Variants in GALNT12 observed in about 807,000 individuals in gnomAD.
The protein encoded by GALNT12 is polypeptide N-acetylgalactosaminyltransferase 12.
A neutral mutation model predicts 55.5 loss-of-function variants in GALNT12; 45 were observed. That is an observed-to-expected ratio of 0.81 (90% CI 0.64 to 1.04). The LOEUF is 1.04. GALNT12 is among the 50% of genes least tolerant of loss of function. The pLI, the probability that GALNT12 is intolerant of heterozygous loss-of-function variation, is 0.00. For missense variants in GALNT12, 709 were observed against 754.8 expected (o/e 0.94, Z 0.71); for synonymous variants, 304 against 312.2 (o/e 0.97, Z 0.28).
chr9:98,829,518 T>TA (rs200602610), intron 3 of GALNT12, among the ~76,000 whole-genome samples: 3 of 133,404 alleles, frequency 2.2e-5, no homozygotes, highest in East Asian at 3.9e-4. Context: ...ATTAAATTAT[T>TA]TTTTTTTTTT....
intron 9 of GALNT12, among the ~76,000 whole-genome samples, chr9:98,846,585 C>A (rs1363374712): frequency 6.6e-6 from 1 of 152,076 alleles, no homozygotes; most frequent in Non-Finnish European, 1.5e-5. Context: ...ATAGGCCAGG[C>A]ACAGTGGCTG....
chr9:98,813,478 C>T (rs983249380), intron 1 of GALNT12, among the ~76,000 whole-genome samples: 2 of 151,650 alleles, frequency 1.3e-5, no homozygotes, highest in African/African-American at 2.4e-5. Context: ...ACTTTCCTGT[C>T]GGCTAAGCCA....
rs758330743 is a variant in GALNT12, at chr9:98,831,804, C to T, written c.764C>T (p.Pro255Leu). 29 of 1,613,986 alleles carry T rather than the reference C, an allele frequency of 1.8e-5. No individual in the cohort carries two copies. Among genetic ancestry groups the T allele is most frequent in the South Asian group, 6.6e-5 (6 of 91,078 alleles). ...GAAGAGGAGTCGGCAGTGGTGTGCC[C>T]GGTGATTGATGTGATCGACTGGAAC... ...IHEEESAVVCPVIDVIDWNTF... is the reference protein window; with the variant it reads ...IHEEESAVVCLVIDVIDWNTF... The change falls in exon 4 of 10, where the codon CCG becomes CTG. Residue 255 changes from proline (P) to leucine (L), a missense_variant. By Grantham distance (98) the Pro-to-Leu change is moderately conservative (BLOSUM62 -3). Transcript: ENST00000375011.
At chr9:98,836,437 A>G (rs1171212658) in intron 5 of GALNT12, among the ~76,000 whole-genome samples, 1 of 152,160 alleles carries the variant, frequency 6.6e-6, no homozygotes, top group Non-Finnish European at 1.5e-5. Context: ...CTTTGGGAAA[A>G]TGAGATATTC....
intron 1 of GALNT12, among the ~76,000 whole-genome samples, chr9:98,822,903 C>T (rs1454244425): frequency 6.6e-6 from 1 of 152,132 alleles, no homozygotes; most frequent in Non-Finnish European, 1.5e-5. Context: ...ACAGTCTGAG[C>T]AAAGGCCTGG....
chr9:98,833,106 G>A (rs1298528644), intron 4 of GALNT12, among the ~76,000 whole-genome samples: 1 of 152,128 alleles, frequency 6.6e-6, no homozygotes, highest in Non-Finnish European at 1.5e-5. Context: ...CAAGCTCTGA[G>A]TAGAATGGGC....
chr9:98,808,152 A>T, intron 1 of GALNT12, 83 bp downstream of exon 1: 1 of 1,153,768 alleles, frequency 8.7e-7, no homozygotes, highest in Non-Finnish European at 1.2e-6. Flanking sequence ...CAGGGCGGGG[A>T]GCTGGGGTCT....
Position 98,807,877 on chromosome 9 carries a change from G to A in GALNT12, c.179G>A (p.Arg60Gln), listed in dbSNP as rs2118256726. 1.9e-6 allele frequency: 2 copies of A among 1,048,226 alleles called. No homozygotes were observed. Among genetic ancestry groups the A allele is most frequent in the Non-Finnish European group, 2.3e-6 (2 of 872,352 alleles). 64.9% of individuals were successfully genotyped at this position (1,048,226 alleles called of 1,614,324 possible). The change falls in exon 1 of 10, where the codon CGG becomes CAG. Residue 60 changes from arginine to glutamine, a missense_variant. Physicochemically the swap from Arg to Gln is conservative, Grantham distance 43. Coordinates refer to ENST00000375011, the MANE Select transcript of GALNT12 (RefSeq NM_024642.5). The stretch of plus-strand genomic sequence containing the variant: ...CCCCCGCGCACCCCGCGCCCCGGGC[G>A]GCGCGAGCCGGTCATGCCGCGGCCG... ...PGPPRTPRPG[R>Q]REPVMPRPPV...
chr9:98,827,061 C>T (rs889648345), intron 3 of GALNT12, 120 bp downstream of exon 3: 11 of 1,052,840 alleles, frequency 1.0e-5, no homozygotes, highest in Non-Finnish European at 1.6e-5. Flanking sequence ...GCTTCTCTGT[C>T]ACTGGGCAGG....
At chr9:98,819,696 GA>G (rs1393801279) in intron 1 of GALNT12, among the ~76,000 whole-genome samples, 25 of 152,166 alleles carry the variant, frequency 1.6e-4, no homozygotes, top group Non-Finnish European at 4.4e-5. Context: ...TGGACCCCGA[GA>G]AGGAGAAGAG....
At chr9:98,824,938 T>C (rs904847308) in intron 2 of GALNT12, among the ~76,000 whole-genome samples, 4 of 150,340 alleles carry the variant, frequency 2.7e-5, no homozygotes, top group African/African-American at 9.8e-5. Flanking sequence ...TGGGCCACAC[T>C]GCACGGGCTT....
intron 1 of GALNT12, among the ~76,000 whole-genome samples, chr9:98,821,722 T>C (rs1322694210): frequency 6.6e-6 from 1 of 151,760 alleles, no homozygotes; most frequent in Non-Finnish European, 1.5e-5. Flanking sequence ...TTTCATGGGG[T>C]TCATCATTCA....
At chr9:98,814,792 C>T (rs116064453) in intron 1 of GALNT12, among the ~76,000 whole-genome samples, 1,832 of 152,220 alleles carry the variant, frequency 0.012, 40 homozygotes, top group African/African-American at 0.042. Flanking sequence ...ATTGTAGTCC[C>T]TACCCAGTAG....
chr9:98,833,614 G>A (rs541461278), intron 4 of GALNT12, among the ~76,000 whole-genome samples: 15 of 152,270 alleles, frequency 9.9e-5, no homozygotes, highest in Non-Finnish European at 1.2e-4. Flanking sequence ...GGGCACTGTG[G>A]ATTCCAGAGA....
intron 1 of GALNT12, among the ~76,000 whole-genome samples, chr9:98,814,937 C>T (rs144522517): frequency 6.6e-6 from 1 of 152,166 alleles, no homozygotes; most frequent in Non-Finnish European, 1.5e-5. Flanking sequence ...GAGACAAACA[C>T]AGCTCAGTCT....
chr9:98,827,989 C>T (rs903852882), intron 3 of GALNT12, among the ~76,000 whole-genome samples: 2 of 152,132 alleles, frequency 1.3e-5, no homozygotes, highest in Non-Finnish European at 1.5e-5. Context: ...TGCTCTGCCT[C>T]GTCTCTCTGC....
intron 7 of GALNT12, among the ~76,000 whole-genome samples, chr9:98,840,741 T>A (rs1025450822): frequency 6.6e-6 from 1 of 152,186 alleles, no homozygotes; most frequent in Non-Finnish European, 1.5e-5. Context: ...TTCAAACATA[T>A]AGAAATGCAG....
intron 3 of GALNT12, among the ~76,000 whole-genome samples, chr9:98,827,453 G>A (rs1014730457): frequency 5.3e-5 from 8 of 152,154 alleles, no homozygotes; most frequent in African/African-American, 1.4e-4. Context: ...GACGTCAGGC[G>A]TGAGCCACCA....
intron 1 of GALNT12, among the ~76,000 whole-genome samples, chr9:98,814,530 C>T (rs1419975921): frequency 5.3e-5 from 8 of 151,790 alleles, no homozygotes; most frequent in African/African-American, 1.5e-4. Context: ...TCCAAAATGG[C>T]GAAACCACGT....
Sources: allele counts gnomAD v4.1 joint callset (sites outside exome capture counted in the v4.1 genomes callset), GRCh38; gene constraint gnomAD v4.1.1; transcripts MANE v1.5; gene names NCBI Gene and HGNC (gene_info 2026-07-23, HGNC 2026-07-21).